ACER3: variants seen among roughly 807,000 people sequenced by gnomAD.
The protein encoded by ACER3 is alkCDase 3.
Under a neutral mutation model 48.9 loss-of-function variants are expected in ACER3, and 16 were observed. That is an observed-to-expected ratio of 0.33 (90% CI 0.22 to 0.50). The LOEUF is 0.50. ACER3 is among the 20% of genes least tolerant of loss of function. The pLI, the probability that ACER3 is intolerant of heterozygous loss-of-function variation, is 0.98. For missense variants in ACER3, 227 were observed against 326.0 expected (o/e 0.70, Z 2.34); for synonymous variants, 109 against 107.8 (o/e 1.01, Z -0.07).
intron 7 of ACER3, among the ~76,000 whole-genome samples, chr11:77,001,552 G>C (rs552399935): frequency 4.2e-4 from 64 of 152,212 alleles, no homozygotes; most frequent in Admixed American, 7.2e-4. Context: ...CAACACGCTC[G>C]GCCCTGTAGA....
intron 1 of ACER3, chr11:76,868,146 A>T: frequency 7.8e-7 from 1 of 1,289,696 alleles, no homozygotes; most frequent in Non-Finnish European, 1.0e-6. Flanking sequence ...CTCCCTGAAG[A>T]GCAACCTCAA....
intron 3 of ACER3, among the ~76,000 whole-genome samples, chr11:76,967,351 G>A (rs147082450): frequency 0.051 from 7,690 of 152,182 alleles, 234 homozygotes; most frequent in Middle Eastern, 0.12. Context: ...AGGACCAGAC[G>A]GATTCACAGC....
intron 2 of ACER3, among the ~76,000 whole-genome samples, chr11:76,933,795 G>C (rs1351663700): frequency 1.3e-5 from 2 of 152,094 alleles, no homozygotes; most frequent in Non-Finnish European, 2.9e-5. Flanking sequence ...ATGAGCTGTT[G>C]GGTACACCTC....
chr11:76,999,437 A>G (rs1421579172), intron 7 of ACER3, among the ~76,000 whole-genome samples: 4 of 151,824 alleles, frequency 2.6e-5, no homozygotes, highest in Non-Finnish European at 5.9e-5. Context: ...AAATGCATAC[A>G]TTTGTAAAAA....
chr11:76,941,168 GTTTTT>G (rs1013441026), intron 2 of ACER3, among the ~76,000 whole-genome samples: 22 of 152,174 alleles, frequency 1.4e-4, no homozygotes, highest in African/African-American at 4.8e-4. Context: ...AAGATTTTCA[GTTTTT>G]TATTTTTTGA....
intron 2 of ACER3, among the ~76,000 whole-genome samples, chr11:76,953,335 A>G (rs1421698429): frequency 1.3e-5 from 2 of 152,162 alleles, no homozygotes; most frequent in African/African-American, 2.4e-5. Flanking sequence ...GCGGTGGCTT[A>G]CACCTGTAAT....
At chr11:76,967,275 G>A (rs60982520) in intron 3 of ACER3, among the ~76,000 whole-genome samples, 16,507 of 152,190 alleles carry the variant, frequency 0.11, 2,958 homozygotes, top group African/African-American at 0.37. Flanking sequence ...TTGAATCTCC[G>A]AATAGACCAA....
chr11:76,888,107 C>T (rs1565160053), intron 1 of ACER3, among the ~76,000 whole-genome samples: 1 of 151,994 alleles, frequency 6.6e-6, no homozygotes, highest in Non-Finnish European at 1.5e-5. Flanking sequence ...GCCTGACTTG[C>T]TTATTATTGC....
rs559614143 is a variant in ACER3 at position 76,957,545 on chromosome 11, G to A, written c.215-1434G>A. 265 of 431,434 alleles carry A rather than the reference G, an allele frequency of 6.1e-4. 1 individual carries two copies. Among genetic ancestry groups the A allele is most frequent in the South Asian group, 1.8e-3 (109 of 60,618 alleles). The allele number at this position is 431,434 out of a possible 1,614,324, so 26.7% of individuals were successfully genotyped here. On this transcript the variant is annotated intron_variant, in intron 2 of 10. Transcript: ENST00000532485. ...TGCAACCTCCATTTCCCAGGTTTAC[G>A]CGATCCTTCTGCCTCAGCCTCCCAA...
At chr11:76,990,493 T>C in intron 5 of ACER3, 46 bp from the exon 6 acceptor site, 1 of 1,256,768 alleles carries the variant, frequency 8.0e-7, no homozygotes, top group Non-Finnish European at 1.1e-6. Context: ...TTTTCCCCCC[T>C]TCATAATGTA....
intron 1 of ACER3, among the ~76,000 whole-genome samples, chr11:76,919,305 C>A (rs1402120338): frequency 6.6e-6 from 1 of 152,178 alleles, no homozygotes; most frequent in Non-Finnish European, 1.5e-5. Flanking sequence ...AAACACTTTC[C>A]TACTGTATCT....
chr11:76,949,449 G>A (rs548561592), intron 2 of ACER3, among the ~76,000 whole-genome samples: 6 of 152,282 alleles, frequency 3.9e-5, no homozygotes, highest in African/African-American at 7.2e-5. Flanking sequence ...ATGATGAAAT[G>A]TTGGCTAAAA....
intron 2 of ACER3, among the ~76,000 whole-genome samples, chr11:76,956,684 C>CT (rs11368601): frequency 0.24 from 33,924 of 142,218 alleles, 5,118 homozygotes; most frequent in African/African-American, 0.42. Context: ...TCCCATCTCA[C>CT]TTTTTTTTTT....
At chr11:76,861,157 C>A in intron 1 of ACER3, 78 bp downstream of exon 1, 2 of 1,372,768 alleles carry the variant, frequency 1.5e-6, no homozygotes, top group Non-Finnish European at 2.0e-6. Flanking sequence ...AGGCAAAGAG[C>A]GAACCTGGCC....
chr11:76,976,362 ATTGT>A, intron 4 of ACER3, 21 bp downstream of exon 4: 2 of 1,472,026 alleles, frequency 1.4e-6, no homozygotes, highest in Non-Finnish European at 1.9e-6. Flanking sequence ...TTAAAATTTC[ATTGT>A]TTGATTTATT....
At chr11:76,962,216 A>AT (rs10646198) in intron 3 of ACER3, among the ~76,000 whole-genome samples, 81,016 of 105,002 alleles carry the variant, frequency 0.77, 33,460 homozygotes, top group South Asian at 0.87. Context: ...TGCCCAGCTA[A>AT]TTTTTTTTTT....
In ACER3 at chr11:77,025,395, T is replaced by C. The variant is rs1033931252; in HGVS notation, c.*5068T>C. 3.7e-5 allele frequency: 5 copies of C among 136,744 alleles called. No homozygotes were observed. The East Asian group carries it at 7.9e-4, about 22-fold the overall frequency. The allele number at this position is 136,744 out of a possible 1,614,324, so 8.5% of individuals were successfully genotyped here. On this transcript the variant is annotated 3_prime_UTR_variant, in exon 11 of 11. Transcript: ENST00000532485. Reference sequence around the variant, plus strand: ...TTATTTTATTTTATTTTATTCTTTATATATATATATATATATTTATTTATT... The same window carrying C: ...TTATTTTATTTTATTTTATTCTTTACATATATATATATATATTTATTTATT...
chr11:76,913,766 G>C (rs896571440), intron 1 of ACER3, among the ~76,000 whole-genome samples: 1 of 152,278 alleles, frequency 6.6e-6, no homozygotes, highest in East Asian at 1.9e-4. Flanking sequence ...CAAGAACAAA[G>C]CTGGAGGCAT....
At chr11:76,895,215 T>C (rs1302772183) in intron 1 of ACER3, among the ~76,000 whole-genome samples, 3 of 152,178 alleles carry the variant, frequency 2.0e-5, no homozygotes, top group African/African-American at 7.2e-5. Context: ...AAATCCCATA[T>C]GTTTTTGGGC....
Sources: allele counts gnomAD v4.1 joint callset (sites outside exome capture counted in the v4.1 genomes callset), GRCh38; gene constraint gnomAD v4.1.1; transcripts MANE v1.5; gene names NCBI Gene and HGNC (gene_info 2026-07-23, HGNC 2026-07-21).